DCC: variants seen among roughly 807,000 people sequenced by gnomAD.
The protein encoded by DCC is netrin receptor DCC.
A neutral mutation model predicts 172.5 loss-of-function variants in DCC; 58 were observed. The ratio of observed to expected loss-of-function variants is 0.34; its 90% CI spans 0.27 to 0.42. The LOEUF (loss-of-function observed/expected upper bound fraction) is 0.42. Ranked by LOEUF, DCC falls within the 10% of genes least tolerant of loss-of-function variation. The pLI, the probability that DCC is intolerant of heterozygous loss-of-function variation, is 1.00. For synonymous variants in DCC, 709 were observed against 644.5 expected, an observed-to-expected ratio of 1.10 and a Z score of -1.52; for missense variants, 1,740 against 1,791.0, an observed-to-expected ratio of 0.97 and a Z score of 0.51.
chr18:52,831,892 A>T (rs2038620724), intron 2 of DCC, among the ~76,000 whole-genome samples: 1 of 152,102 alleles, frequency 6.6e-6, no homozygotes, highest in South Asian at 2.1e-4. Context: ...TGAGGTCTAT[A>T]AAGGAGTATC....
chr18:52,855,538 C>A (rs895466883), intron 2 of DCC, among the ~76,000 whole-genome samples: 1 of 152,154 alleles, frequency 6.6e-6, no homozygotes, highest in Non-Finnish European at 1.5e-5. Flanking sequence ...TGCAAGTTCA[C>A]TTCTAGCTTT....
Position 53,134,611 on chromosome 18 carries a change from CA to C in DCC, c.1262-22741del, listed in dbSNP as rs2043711374. 2.6e-5 allele frequency among the ~76,000 whole-genome samples: 4 copies of C among 152,102 alleles called. No homozygotes were observed. In the South Asian group the frequency reaches 8.3e-4, roughly 32 times the overall value. ...GCTTTTACCTAGCCAGTTGGTAGGTCAAAACCCAATGGCCCAGGGAAATGGT... is the reference window on the plus strand; with the variant it reads ...GCTTTTACCTAGCCAGTTGGTAGGTCAAACCCAATGGCCCAGGGAAATGGT... On this transcript the variant is annotated intron_variant, in intron 7 of 28. Coordinates refer to ENST00000442544, the MANE Select transcript of DCC (RefSeq NM_005215.4).
intron 1 of DCC, among the ~76,000 whole-genome samples, chr18:52,454,294 A>G (rs1395994945): frequency 6.6e-6 from 1 of 152,204 alleles, no homozygotes; most frequent in Non-Finnish European, 1.5e-5. Flanking sequence ...AGCAAAGTTT[A>G]AAATTCATTT....
At chr18:53,439,989 T>A (rs1400037917) in intron 22 of DCC, among the ~76,000 whole-genome samples, 2 of 151,364 alleles carry the variant, frequency 1.3e-5, no homozygotes, top group Admixed American at 1.3e-4. Context: ...ATGGTCTCGA[T>A]CTCTTGACCT....
At chr18:52,738,900 TA>T (rs59182653) in intron 1 of DCC, among the ~76,000 whole-genome samples, 18,773 of 141,250 alleles carry the variant, frequency 0.13, 1,898 homozygotes, top group African/African-American at 0.29. Context: ...TCTGGCTATT[TA>T]AAAAAAAAAA....
At chr18:52,986,502 GC>G in intron 5 of DCC, among the ~76,000 whole-genome samples, 1 of 152,028 alleles carries the variant, frequency 6.6e-6, no homozygotes, top group South Asian at 2.1e-4. Flanking sequence ...TCTTAGTTTC[GC>G]CTGCTTTGTT....
chr18:53,329,126 A>T (rs1289118231), intron 14 of DCC, among the ~76,000 whole-genome samples: 2 of 152,192 alleles, frequency 1.3e-5, no homozygotes, highest in Admixed American at 6.6e-5. Context: ...GTTTTTTAAA[A>T]AAATATTATA....
At chr18:52,832,455 A>AC (rs397807850) in intron 2 of DCC, among the ~76,000 whole-genome samples, 1 of 151,022 alleles carries the variant, frequency 6.6e-6, no homozygotes, top group Non-Finnish European at 1.5e-5. Context: ...GCACCCTCAA[A>AC]AACCCTGTGC....
chr18:52,737,699 G>A (rs1434161057), intron 1 of DCC, among the ~76,000 whole-genome samples: 1 of 152,154 alleles, frequency 6.6e-6, no homozygotes, highest in Non-Finnish European at 1.5e-5. Context: ...CTCTGGACTA[G>A]AGGACTGTTG....
At chr18:53,497,131 A>G (rs929394427) in intron 26 of DCC, among the ~76,000 whole-genome samples, 1 of 152,188 alleles carries the variant, frequency 6.6e-6, no homozygotes, top group Non-Finnish European at 1.5e-5. Flanking sequence ...CCTTTAATGA[A>G]AAGCTAGCCC....
At chr18:53,451,057 T>TA (rs2045405706) in intron 23 of DCC, among the ~76,000 whole-genome samples, 2 of 152,200 alleles carry the variant, frequency 1.3e-5, no homozygotes, top group South Asian at 4.1e-4. Context: ...TACCACTTTT[T>TA]ACAAGGAGCC....
At chr18:53,154,077 T>C (rs2054688869) in intron 7 of DCC, among the ~76,000 whole-genome samples, 2 of 152,180 alleles carry the variant, frequency 1.3e-5, no homozygotes, top group African/African-American at 4.8e-5. Flanking sequence ...TAGGCCATTG[T>C]TTAGGAAAGG....
At chr18:53,018,165 TTAA>T (rs1335392365) in intron 5 of DCC, among the ~76,000 whole-genome samples, 2 of 152,146 alleles carry the variant, frequency 1.3e-5, no homozygotes, top group Admixed American at 6.6e-5. Context: ...ACTTAAAAGT[TTAA>T]TAATAATAAG....
intron 12 of DCC, among the ~76,000 whole-genome samples, chr18:53,220,688 C>T (rs1465411054): frequency 6.6e-6 from 1 of 152,212 alleles, no homozygotes; most frequent in Non-Finnish European, 1.5e-5. Context: ...TGTCCTCAAT[C>T]ATAACACAGA....
intron 1 of DCC, among the ~76,000 whole-genome samples, chr18:52,538,834 C>T (rs2032358896): frequency 6.6e-6 from 1 of 152,038 alleles, no homozygotes. Context: ...TCCTTTTGTA[C>T]TTTCCCACAG....
In DCC at chr18:53,025,806, A is replaced by G. The variant is rs2041947517; in HGVS notation, c.986-37499A>G. 2.7e-5 allele frequency among the ~76,000 whole-genome samples: 4 copies of G among 149,450 alleles called. No individual in the cohort carries two copies. The South Asian group carries it at 8.5e-4, about 32-fold the overall frequency. The stretch of plus-strand genomic sequence containing the variant: ...GGCAAAAACTATGATACACACACAC[A>G]CACACACACACACACACACACACAC... On this transcript the variant is annotated intron_variant, in intron 5 of 28. Coordinates refer to ENST00000442544, the MANE Select transcript of DCC (RefSeq NM_005215.4).
intron 1 of DCC, among the ~76,000 whole-genome samples, chr18:52,612,124 C>G (rs76684222): frequency 6.6e-6 from 1 of 152,112 alleles, no homozygotes; most frequent in Non-Finnish European, 1.5e-5. Context: ...TACCCCAATA[C>G]TTACTCAATT....
intron 2 of DCC, among the ~76,000 whole-genome samples, chr18:52,852,840 C>G (rs1321993928): frequency 6.6e-6 from 1 of 152,114 alleles, no homozygotes; most frequent in African/African-American, 2.4e-5. Context: ...TAAATTCTTA[C>G]TATGGAAATT....
At chr18:52,791,799 T>C (rs1199831893) in intron 2 of DCC, among the ~76,000 whole-genome samples, 1 of 152,142 alleles carries the variant, frequency 6.6e-6, no homozygotes, top group Non-Finnish European at 1.5e-5. Context: ...CATCTACCCT[T>C]AGAGAATGGT....
Sources: allele counts gnomAD v4.1 joint callset (sites outside exome capture counted in the v4.1 genomes callset), GRCh38; gene constraint gnomAD v4.1.1; transcripts MANE v1.5; gene names NCBI Gene and HGNC (gene_info 2026-07-23, HGNC 2026-07-21).